Variants in SCN2B observed in about 807,000 individuals in gnomAD.
SCN2B encodes sodium voltage-gated channel beta subunit 2.
Under a neutral mutation model 18.2 loss-of-function variants are expected in SCN2B, and 14 were observed. That is an observed-to-expected ratio of 0.77 (90% CI 0.51 to 1.21). The LOEUF is 1.21. Ranked by LOEUF, SCN2B falls within the 50% of genes most tolerant of loss-of-function variation. The probability of loss-of-function intolerance (pLI) is 0.00; values close to 1 mark genes in which losing one functional copy is unlikely to be tolerated. For missense variants in SCN2B, 262 were observed against 286.9 expected, an observed-to-expected ratio of 0.91 and a Z score of 0.63; for synonymous variants, 115 against 115.3, an observed-to-expected ratio of 1.00 and a Z score of 0.02.
chr11:118,175,728 C>A (rs1283591728), intron 1 of SCN2B, among the ~76,000 whole-genome samples: 1 of 152,192 alleles, frequency 6.6e-6, no homozygotes, highest in Non-Finnish European at 1.5e-5. Context: ...AATCTCTACA[C>A]CTGGCCCTTC....
intron 1 of SCN2B, among the ~76,000 whole-genome samples, chr11:118,172,548 C>T (rs945959284): frequency 1.3e-5 from 2 of 152,220 alleles, no homozygotes; most frequent in African/African-American, 4.8e-5. Context: ...TTTAAAGGAA[C>T]CTCCATACAA....
chr11:118,170,996 C>T (rs769317981), intron 1 of SCN2B, among the ~76,000 whole-genome samples: 1 of 152,178 alleles, frequency 6.6e-6, no homozygotes, highest in African/African-American at 2.4e-5. Context: ...GTAGAAGCAG[C>T]CGCCCTGCAG....
In SCN2B at chr11:118,168,631, G is replaced by A. The variant is rs764221630; in HGVS notation, c.191C>T (p.Ser64Phe). Residue 64 changes from serine to phenylalanine, a missense_variant, in exon 2 of 4, where the codon TCC becomes TTC. Transcript: ENST00000278947. This position sits in a 1 kb window ranked among gnomAD's most constrained non-coding sequence, Gnocchi z 4.7. ...GCACTCCTGGTAAGTCCAGTTCAGG[G>A]AGAACTGTTTGTGGTTCACTGTGTA... ...SCYTVNHKQF[S>F]LNWTYQECNN... 27 of 1,614,098 alleles carry A rather than the reference G, an allele frequency of 1.7e-5. No individual in the cohort carries two copies. The Admixed American group carries it at 3.0e-4, about 18-fold the overall frequency.
At position 118,166,656 on chromosome 11, in the gene SCN2B, T is replaced by A; in HGVS notation, c.*231A>T. On this transcript the variant is annotated 3_prime_UTR_variant, in exon 4 of 4. Coordinates refer to ENST00000278947, the MANE Select transcript of SCN2B (RefSeq NM_004588.5). ...GACTGGCAGGTGGGAGCCCTTTCTCTCCTCTCCCCAGGGCCCACACGTCCC... is the reference window on the plus strand; with the variant it reads ...GACTGGCAGGTGGGAGCCCTTTCTCACCTCTCCCCAGGGCCCACACGTCCC... 1 of 580,356 alleles carries A rather than the reference T, an allele frequency of 1.7e-6. No homozygotes were observed. The highest frequency in any genetic ancestry group is 2.0e-5 in the South Asian group (1 of 50,288). 36.0% of individuals were successfully genotyped at this position (580,356 alleles called of 1,614,324 possible). A position where few individuals can be genotyped will look rare whatever the true frequency, so the allele number is the denominator to read the frequency against.
chr11:118,168,280 T>C lies in SCN2B; in HGVS notation c.253A>G (p.Met85Val), dbSNP rs910380691. 6.2e-7 allele frequency: 1 copy of C among 1,614,184 alleles called. No individual in the cohort carries two copies. Among genetic ancestry groups the C allele is most frequent in the Non-Finnish European group, 8.5e-7 (1 of 1,180,030 alleles). The change falls in exon 3 of 4, where the codon ATG becomes GTG. Residue 85 changes from methionine (M) to valine (V), a missense_variant. By Grantham distance (21) the Met-to-Val change is conservative (BLOSUM62 1). Coordinates refer to ENST00000278947, the MANE Select transcript of SCN2B (RefSeq NM_004588.5). This position sits in a 1 kb window ranked among gnomAD's most constrained non-coding sequence, Gnocchi z 4.7. ...CSEEMFLQFRMKIINLKLERF... is the reference protein window; with the variant it reads ...CSEEMFLQFRVKIINLKLERF... The stretch of plus-strand genomic sequence containing the variant: ...TCCAGCTTCAGGTTAATGATCTTCA[T>C]GCGGAACTGGAGGAACTGGGGTTGG...
intron 1 of SCN2B, among the ~76,000 whole-genome samples, chr11:118,171,246 T>A (rs1948428993): frequency 6.6e-6 from 1 of 152,144 alleles, no homozygotes; most frequent in Non-Finnish European, 1.5e-5. Context: ...GCTTAAGTGC[T>A]CATTAGGGGA....
intron 1 of SCN2B, among the ~76,000 whole-genome samples, chr11:118,174,191 C>T (rs78590057): frequency 0.016 from 2,344 of 146,648 alleles, 50 homozygotes; most frequent in African/African-American, 0.048. Flanking sequence ...CCTCCCACCT[C>T]GGCCTCCCAA....
rs967352576 is a variant in SCN2B at position 118,163,926 on chromosome 11, T to G, written c.*2961A>C. The G allele has an allele frequency of 6.6e-6, 1 of 152,134 alleles. No individual in the cohort carries two copies. The highest frequency in any genetic ancestry group is 2.1e-4 in the South Asian group (1 of 4,822). The allele number at this position is 152,134 out of a possible 1,614,324, so 9.4% of individuals were successfully genotyped here. A position where few individuals can be genotyped will look rare whatever the true frequency, so the allele number is the denominator to read the frequency against. On this transcript the variant is annotated 3_prime_UTR_variant, in exon 4 of 4. Transcript: ENST00000278947. ...ACTTCACCATCCTGGGGGAGGCAGCTCTATGAGTCCTCTGGAGGAGATTCT... is the reference window on the plus strand; with the variant it reads ...ACTTCACCATCCTGGGGGAGGCAGCGCTATGAGTCCTCTGGAGGAGATTCT...
chr11:118,168,574 C>G lies in SCN2B; in HGVS notation c.237+11G>C. 6.2e-7 allele frequency: 1 copy of G among 1,614,172 alleles called. No individual in the cohort carries two copies. On this transcript the variant is annotated intron_variant, in intron 2 of 3. Transcript: ENST00000278947. The surrounding 1 kb of genome is among the most constrained non-coding windows in gnomAD (Gnocchi z 4.7). ...CTCCTCCCCTGCCCCTGCCTTCAGC[C>G]CAGGACTCACCATCTCCTCAGAGCA...
chr11:118,176,334 C>A (rs764614765), intron 1 of SCN2B, 28 bp downstream of exon 1: 2 of 1,601,842 alleles, frequency 1.2e-6, no homozygotes, highest in African/African-American at 2.7e-5. Context: ...TCTGAACCCT[C>A]GGGAGCATGC....
rs661877 is a variant in SCN2B, at chr11:118,167,253, C to T, written c.449-167G>A. On this transcript the variant is annotated intron_variant, in intron 3 of 3. Transcript: ENST00000278947. Reference sequence around the variant, plus strand: ...AGTGACTGACCCTGAAGCGCCGCCACCTCCAAATCCCAGGACACCCAAAGC... The same window carrying T: ...AGTGACTGACCCTGAAGCGCCGCCATCTCCAAATCCCAGGACACCCAAAGC... Among the ~76,000 whole-genome samples, 12,414 of 152,282 alleles carry T rather than the reference C, an allele frequency of 0.082. 1,715 individuals are homozygous for T. The highest frequency in any genetic ancestry group is 0.28 in the African/African-American group (11,750 of 41,512).
rs899995187 is a variant in SCN2B at position 118,165,332 on chromosome 11, T to A, written c.*1555A>T. 6.6e-6 allele frequency: 1 copy of A among 152,652 alleles called. No individual in the cohort carries two copies. Among genetic ancestry groups the A allele is most frequent in the African/African-American group, 2.4e-5 (1 of 41,444 alleles). The allele number at this position is 152,652 out of a possible 1,614,324, so 9.5% of individuals were successfully genotyped here. ...ATTTTAAGTGAGTGACTTGGCTAGT[T>A]GATCTCTGAGGATCTTCCAAGGTCA... On this transcript the variant is annotated 3_prime_UTR_variant, in exon 4 of 4. Transcript: ENST00000278947.
At position 118,171,329 on chromosome 11, in the gene SCN2B, C is replaced by T. The variant is rs1473856241; in HGVS notation, c.71-2578G>A. Among the ~76,000 whole-genome samples the T allele has an allele frequency of 2.0e-5, 3 of 152,192 alleles. No homozygotes were observed. In the East Asian group the frequency reaches 5.8e-4, roughly 29 times the overall value. On this transcript the variant is annotated intron_variant, in intron 1 of 3. Coordinates refer to ENST00000278947, the MANE Select transcript of SCN2B (RefSeq NM_004588.5). Reference sequence around the variant, plus strand: ...CCAATTCCATCTCCTGTACTTTCATCGCCGTTCTGAAAGCATCTGGCAGCG... The same window carrying T: ...CCAATTCCATCTCCTGTACTTTCATTGCCGTTCTGAAAGCATCTGGCAGCG...
rs759084475 is a variant in SCN2B, at chr11:118,166,981, C to G, written c.554G>C (p.Arg185Thr). The G allele has an allele frequency of 4.0e-5, 64 of 1,614,038 alleles. No homozygotes were observed. Among genetic ancestry groups the G allele is most frequent in the Non-Finnish European group, 5.3e-5 (63 of 1,179,998 alleles). The change falls in exon 4 of 4, where the codon AGA (arginine) becomes ACA (threonine). Residue 185 changes from arginine to threonine, a missense_variant. Physicochemically the swap from Arg to Thr is moderately conservative, Grantham distance 71 (BLOSUM62 -1). Transcript: ENST00000278947. Reference sequence around the variant, plus strand: ...TGTGCTCAGCTTCTGCTCTTTTTTTCTCCTCACACACTTGACCACCATCAG... The same window carrying G: ...TGTGCTCAGCTTCTGCTCTTTTTTTGTCCTCACACACTTGACCACCATCAG... ...LVLMVVKCVRRKKEQKLSTDD... is the reference protein window; with the variant it reads ...LVLMVVKCVRTKKEQKLSTDD...
chr11:118,170,550 T>G (rs553786051), intron 1 of SCN2B, among the ~76,000 whole-genome samples: 1 of 151,524 alleles, frequency 6.6e-6, no homozygotes, highest in African/African-American at 2.4e-5. Context: ...CTCTTTGGAG[T>G]GTGATAGGAG....
In SCN2B at chr11:118,176,628, G is replaced by C; in HGVS notation, c.-197C>G. ...TATGTTGCTGCTAAAAAGAGAGAGA[G>C]AGGGAGTGTGTAAAGGAGAGAGAGA... On this transcript the variant is annotated 5_prime_UTR_variant, in exon 1 of 4. Coordinates refer to ENST00000278947, the MANE Select transcript of SCN2B (RefSeq NM_004588.5). The C allele has an allele frequency of 8.3e-6, 3 of 361,530 alleles. No individual in the cohort carries two copies. The highest frequency in any genetic ancestry group is 4.5e-5 in the South Asian group (2 of 44,874). 22.4% of individuals were successfully genotyped at this position (361,530 alleles called of 1,614,324 possible). A position where few individuals can be genotyped will look rare whatever the true frequency, so the allele number is the denominator to read the frequency against.
chr11:118,171,227 C>T (rs1370885861), intron 1 of SCN2B, among the ~76,000 whole-genome samples: 2 of 152,186 alleles, frequency 1.3e-5, no homozygotes, highest in Non-Finnish European at 2.9e-5. Context: ...CCGAGGATTC[C>T]AGGTGTGAGC....
chr11:118,167,234 T>A, intron 3 of SCN2B, 148 bp from the exon 4 acceptor site: 1 of 828,178 alleles, frequency 1.2e-6, no homozygotes, highest in Non-Finnish European at 1.8e-6. Context: ...ATCCAGTGAC[T>A]GACCCTGAAG....
rs755371953 is a variant in SCN2B at position 118,176,349 on chromosome 11, G to A, written c.70+13C>T. 1.9e-6 allele frequency: 3 copies of A among 1,611,976 alleles called. No individual in the cohort carries two copies. Among genetic ancestry groups the A allele is most frequent in the Admixed American group, 1.7e-5 (1 of 60,006 alleles). ...TCTGAACCCTCGGGAGCATGCAGAT[G>A]TGTCTAACTTACCCAAAGAGAAAAA... On this transcript the variant is annotated intron_variant, in intron 1 of 3. Transcript: ENST00000278947.
Sources: gnomAD v4.1 joint callset for allele counts (sites outside exome capture counted in the v4.1 genomes callset) on GRCh38, gnomAD v4.1.1 for gene constraint, Gnocchi (gnomAD v3.1) non-coding constraint, MANE v1.5 for transcripts, NCBI Gene and HGNC (gene_info 2026-07-23, HGNC 2026-07-21) for gene names.